The following LDHAL6A variants were observed in gnomAD, a reference collection of about 807,000 sequenced individuals.
LDHAL6A encodes lactate dehydrogenase A like 6A, also known as L-lactate dehydrogenase A-like 6A.
LDHAL6A carries 19 observed loss-of-function variants against 28.2 expected under a neutral mutation model. The ratio of observed to expected loss-of-function variants is 0.67; its 90% confidence interval spans 0.47 to 0.99. The LOEUF is 0.99. Ranked by LOEUF, LDHAL6A falls within the 50% of genes least tolerant of loss-of-function variation. The pLI is 0.00. For missense variants in LDHAL6A, 372 were observed against 398.6 expected, an observed-to-expected ratio of 0.93 and a Z score of 0.57; for synonymous variants, 144 against 134.4, an observed-to-expected ratio of 1.07 and a Z score of -0.49.
intron 2 of LDHAL6A, 88 bp from the exon 3 acceptor site, chr11:18,465,549 T>C: frequency 9.4e-7 from 1 of 1,065,948 alleles, no homozygotes. Flanking sequence ...TTGGTAAACA[T>C]AGTGTGGTGA....
chr11:18,472,770 T>G (rs1044826988), intron 3 of LDHAL6A, among the ~76,000 whole-genome samples: 2 of 152,232 alleles, frequency 1.3e-5, no homozygotes, highest in African/African-American at 4.8e-5. Flanking sequence ...CAAATAGATT[T>G]TTCAAATAAG....
At chr11:18,471,299 T>C (rs537356890) in intron 3 of LDHAL6A, among the ~76,000 whole-genome samples, 12 of 150,540 alleles carry the variant, frequency 8.0e-5, no homozygotes, top group African/African-American at 2.9e-4. Flanking sequence ...AACCTCCGCC[T>C]CCTGGGTTCA....
Position 18,475,824 on chromosome 11 carries a change from T to C in LDHAL6A, c.592+185T>C, listed in dbSNP as rs997913587. The C allele has an allele frequency of 1.2e-5, 6 of 513,754 alleles. 1 individual carries two copies. The highest frequency in any genetic ancestry group is 2.0e-5 in the Non-Finnish European group (6 of 295,500). The allele number at this position is 513,754 out of a possible 1,614,324, so 31.8% of individuals were successfully genotyped here. On this transcript the variant is annotated intron_variant, in intron 4 of 6. Coordinates refer to ENST00000280706, the MANE Select transcript of LDHAL6A (RefSeq NM_144972.5). ...CAACAAAAAATACAGATTTGAAAAA[T>C]GTGAGATTGATACTATAATCCTACA... is the stretch of plus-strand genomic sequence containing the variant.
At chr11:18,476,549 G>T in intron 5 of LDHAL6A, 48 bp downstream of exon 5, 2 of 1,595,000 alleles carry the variant, frequency 1.3e-6, no homozygotes, top group South Asian at 2.3e-5. Context: ...TTGTGAGCCT[G>T]AACTCTGTTA....
At position 18,475,500 on chromosome 11, in the gene LDHAL6A, T is replaced by C. The variant is rs903996563; in HGVS notation, c.453T>C (p.Ser151=). The C allele has an allele frequency of 2.0e-5, 32 of 1,613,760 alleles. No individual in the cohort carries two copies. The highest frequency in any genetic ancestry group is 2.5e-5 in the Non-Finnish European group (29 of 1,179,888). Reference sequence around the variant, plus strand: ...TAACTTATGTAGCCTGGAAGTTGAGTGGATTTCCCAAAAACCGTGTTATTG... The same window carrying C: ...TAACTTATGTAGCCTGGAAGTTGAGCGGATTTCCCAAAAACCGTGTTATTG... ...DILTYVAWKL[S]GFPKNRVIGS... The change falls in exon 4 of 7, where the codon AGT becomes AGC. Residue 151 remains serine, a synonymous_variant. Coordinates refer to ENST00000280706, the MANE Select transcript of LDHAL6A (RefSeq NM_144972.5).
At chr11:18,466,651 CAA>C (rs67371371) in intron 3 of LDHAL6A, among the ~76,000 whole-genome samples, 18 of 79,310 alleles carry the variant, frequency 2.3e-4, no homozygotes, top group East Asian at 3.3e-4. Context: ...GACCCTGTCT[CAA>C]AAAAAAAAAA....
chr11:18,475,837 C>T (rs1187268863), intron 4 of LDHAL6A, 198 bp downstream of exon 4: 5 of 489,676 alleles, frequency 1.0e-5, no homozygotes, highest in African/African-American at 9.9e-5. Context: ...GAGATTGATA[C>T]TATAATCCTA....
intron 1 of LDHAL6A, among the ~76,000 whole-genome samples, chr11:18,457,287 C>CT (rs1196344062): frequency 6.6e-6 from 1 of 152,008 alleles, no homozygotes; most frequent in Non-Finnish European, 1.5e-5. Flanking sequence ...TTTAGCTGTT[C>CT]TTAGTATTGA....
At chr11:18,464,206 C>CT in intron 2 of LDHAL6A, 128 bp downstream of exon 2, 1 of 616,260 alleles carries the variant, frequency 1.6e-6, no homozygotes, top group Non-Finnish European at 2.9e-6. Context: ...ACTCTGTACT[C>CT]TCATAACGTG....
In LDHAL6A at chr11:18,464,021, A is replaced by G. The variant is rs770075021; in HGVS notation, c.187A>G (p.Met63Val). ...VDEGKLKGET[M>V]DLQHGSPFMK... ...TGAAGGCAAACTGAAGGGTGAGACA[A>G]TGGATCTTCAACATGGCAGCCCTTT... Residue 63 changes from methionine (M) to valine (V), a missense_variant, in exon 2 of 7, where the codon ATG becomes GTG. By Grantham distance (21) the Met-to-Val change is conservative. This residue lies in a region of LDHAL6A where 77 missense variants were observed against 77.9 expected (regional missense o/e 0.99). Transcript: ENST00000280706. The G allele has an allele frequency of 3.1e-6, 5 of 1,614,122 alleles. No individual in the cohort carries two copies. The highest frequency in any genetic ancestry group is 4.5e-5 in the East Asian group (2 of 44,864).
At chr11:18,458,774 C>T (rs183686706) in intron 1 of LDHAL6A, among the ~76,000 whole-genome samples, 60 of 131,484 alleles carry the variant, frequency 4.6e-4, no homozygotes, top group Admixed American at 4.3e-3. Context: ...TAGTATAATG[C>T]GAGATCCACT....
intron 6 of LDHAL6A, 31 bp downstream of exon 6, chr11:18,477,774 C>T: frequency 1.3e-6 from 2 of 1,571,426 alleles, no homozygotes; most frequent in Non-Finnish European, 1.7e-6. Flanking sequence ...AAATCATTAA[C>T]TCAACATAAA....
At chr11:18,458,395 T>C (rs140900806) in intron 1 of LDHAL6A, among the ~76,000 whole-genome samples, 4 of 152,328 alleles carry the variant, frequency 2.6e-5, no homozygotes, top group African/African-American at 7.2e-5. Flanking sequence ...CACCCATTGT[T>C]CAAACTCAGT....
intron 3 of LDHAL6A, among the ~76,000 whole-genome samples, chr11:18,472,256 G>A (rs184863138): frequency 5.7e-4 from 87 of 152,232 alleles, no homozygotes; most frequent in South Asian, 4.4e-3. Context: ...TCACTTGACA[G>A]CTTTATGTAT....
chr11:18,477,623 C>A lies in LDHAL6A; in HGVS notation c.714C>A (p.Gly238=). The change falls in exon 6 of 7, where the codon GGC becomes GGA. Residue 238 remains glycine (G), a synonymous_variant. Coordinates refer to ENST00000280706, the MANE Select transcript of LDHAL6A (RefSeq NM_144972.5). ...TTATGGTTTCTTCTATCTACAGTGG[C>A]TATGAGATGGTCAAAATGAAAGGTT... ...ENVHKKVISS[G]YEMVKMKGYT... 1 of 1,607,028 alleles carries A rather than the reference C, an allele frequency of 6.2e-7. No individual in the cohort carries two copies. Among genetic ancestry groups the A allele is most frequent in the Non-Finnish European group, 8.5e-7 (1 of 1,178,190 alleles).
At chr11:18,467,229 C>A (rs566082171) in intron 3 of LDHAL6A, among the ~76,000 whole-genome samples, 1 of 152,054 alleles carries the variant, frequency 6.6e-6, no homozygotes, top group Non-Finnish European at 1.5e-5. Context: ...ATTTTAATTT[C>A]GATGCTGAAG....
At chr11:18,467,245 T>C (rs1037785089) in intron 3 of LDHAL6A, among the ~76,000 whole-genome samples, 6 of 152,224 alleles carry the variant, frequency 3.9e-5, no homozygotes, top group African/African-American at 1.2e-4. Context: ...TGAAGAACTA[T>C]TTAACTTTTG....
chr11:18,458,909 G>A (rs919048767), intron 1 of LDHAL6A, among the ~76,000 whole-genome samples: 1 of 152,214 alleles, frequency 6.6e-6, no homozygotes, highest in Admixed American at 6.5e-5. Context: ...TGAATATAAA[G>A]ATGGGATATT....
At chr11:18,462,196 T>A (rs1848929233) in intron 1 of LDHAL6A, among the ~76,000 whole-genome samples, 1 of 151,486 alleles carries the variant, frequency 6.6e-6, no homozygotes, top group Admixed American at 6.6e-5. Flanking sequence ...AAAAGTAAAA[T>A]TCAGAAAGAT....
Sources: gnomAD v4.1 joint callset for allele counts (sites outside exome capture counted in the v4.1 genomes callset) on GRCh38, gnomAD v4.1.1 for gene constraint, gnomAD v4.1.1 regional missense constraint, MANE v1.5 for transcripts, NCBI Gene and HGNC (gene_info 2026-07-23, HGNC 2026-07-21) for gene names.